CNOT2: variants seen among roughly 807,000 people sequenced by gnomAD.
CNOT2 encodes the protein CCR4-NOT transcription complex subunit 2.
A neutral mutation model predicts 72.1 loss-of-function variants in CNOT2; 7 were observed. The ratio of observed to expected loss-of-function variants is 0.10; its 90% CI spans 0.06 to 0.18. The LOEUF is 0.18. Among genes scored for constraint, CNOT2 ranks in the 10% least tolerant of loss-of-function variants. CNOT2 has a pLI of 1.00. For missense variants in CNOT2, 345 were observed against 660.3 expected, an observed-to-expected ratio of 0.52 and a Z score of 5.23; for synonymous variants, 196 against 225.6, an observed-to-expected ratio of 0.87 and a Z score of 1.17.
chr12:70,350,685 T>C (rs1370723431), intron 15 of CNOT2, among the ~76,000 whole-genome samples: 4 of 152,218 alleles, frequency 2.6e-5, no homozygotes, highest in Admixed American at 2.6e-4. Flanking sequence ...CCTCAGGGTA[T>C]GTGAATAAGG....
chr12:70,294,224 T>C, intron 2 of CNOT2: 1 of 1,289,492 alleles, frequency 7.8e-7, no homozygotes, highest in Non-Finnish European at 1.0e-6. Flanking sequence ...CAACCTTTCC[T>C]TCTTCACTTC....
chr12:70,314,049 C>T (rs1876915032), intron 3 of CNOT2, among the ~76,000 whole-genome samples: 1 of 152,090 alleles, frequency 6.6e-6, no homozygotes, highest in African/African-American at 2.4e-5. Context: ...GATTGTTGCA[C>T]ATTAATATCA....
intron 1 of CNOT2, among the ~76,000 whole-genome samples, chr12:70,248,459 C>T (rs12309813): frequency 0.014 from 2,055 of 152,172 alleles, 46 homozygotes; most frequent in African/African-American, 0.046. Context: ...ATCTGATTTT[C>T]CTACATTTTC....
chr12:70,255,977 A>T (rs1372327274), intron 1 of CNOT2, among the ~76,000 whole-genome samples: 2 of 152,160 alleles, frequency 1.3e-5, no homozygotes, highest in Non-Finnish European at 2.9e-5. Flanking sequence ...CTCAGGCATC[A>T]GATACTCAGT....
intron 5 of CNOT2, among the ~76,000 whole-genome samples, chr12:70,329,980 C>G (rs17814151): frequency 1.3e-5 from 2 of 151,814 alleles, no homozygotes; most frequent in African/African-American, 2.4e-5. Context: ...GAGGATAGAA[C>G]GATATGCCAT....
At chr12:70,344,945 G>A (rs1261656057) in intron 14 of CNOT2, 2 of 152,088 alleles carry the variant, frequency 1.3e-5, no homozygotes, top group African/African-American at 2.4e-5. Context: ...TTTGTTGTAC[G>A]TTTTGAAGTG....
At chr12:70,261,070 G>A (rs760480205) in intron 1 of CNOT2, among the ~76,000 whole-genome samples, 4 of 151,356 alleles carry the variant, frequency 2.6e-5, no homozygotes, top group Admixed American at 6.6e-5. Context: ...CTAGTATGTT[G>A]AGTGCTTTTA....
chr12:70,330,509 G>T (rs377498955), intron 6 of CNOT2, 40 bp downstream of exon 6: 6 of 1,423,360 alleles, frequency 4.2e-6, no homozygotes, highest in South Asian at 3.9e-5. Flanking sequence ...TGTCTTTCTG[G>T]GTATACTCAG....
chr12:70,344,491 G>A (rs1173877206), intron 14 of CNOT2: 2 of 352,248 alleles, frequency 5.7e-6, no homozygotes. Flanking sequence ...ACTTTGGTGA[G>A]GTGGACAGAT....
chr12:70,302,555 GT>G (rs1278436990), intron 2 of CNOT2, among the ~76,000 whole-genome samples: 6 of 152,156 alleles, frequency 3.9e-5, no homozygotes, highest in Non-Finnish European at 8.8e-5. Flanking sequence ...CCGAGTTCTA[GT>G]TTGATTGCAC....
chr12:70,311,831 A>G lies in CNOT2; in HGVS notation c.171+814A>G, dbSNP rs369241873. The stretch of plus-strand genomic sequence containing the variant: ...ATGTATAAAACAATCTACTCTAGCT[A>G]TTAACCTAATGAGATTTATACTGAT... On this transcript the variant is annotated intron_variant, in intron 3 of 15. Transcript: ENST00000229195. Among the ~76,000 whole-genome samples, 57 of 152,072 alleles carry G rather than the reference A, an allele frequency of 3.7e-4. No homozygotes were observed. In the South Asian group the frequency reaches 0.011, roughly 30 times the overall value.
Position 70,273,777 on chromosome 12 carries a change from A to T in CNOT2, c.-95-4355A>T, listed in dbSNP as rs144041854. ...TCGAGATGGTGGGCCTTTTAGATAG[A>T]CCTGACTCTCTACTTATAGTAAATT... On this transcript the variant is annotated intron_variant, in intron 1 of 15. Coordinates refer to ENST00000229195, the MANE Select transcript of CNOT2 (RefSeq NM_014515.7). Among the ~76,000 whole-genome samples the T allele has an allele frequency of 3.2e-3, 482 of 152,192 alleles. 2 individuals carry two copies. Among genetic ancestry groups the T allele is most frequent in the African/African-American group, 0.011 (467 of 41,558 alleles).
intron 5 of CNOT2, among the ~76,000 whole-genome samples, chr12:70,329,802 A>G (rs1340164794): frequency 6.6e-6 from 1 of 151,984 alleles, no homozygotes; most frequent in Non-Finnish European, 1.5e-5. Context: ...TCAAGGGTTA[A>G]TCATTTCCTG....
intron 2 of CNOT2, among the ~76,000 whole-genome samples, chr12:70,299,579 T>C (rs1465793547): frequency 6.6e-6 from 1 of 152,208 alleles, no homozygotes; most frequent in Non-Finnish European, 1.5e-5. Flanking sequence ...CTGCATAGTA[T>C]TCCATGGTGT....
intron 1 of CNOT2, among the ~76,000 whole-genome samples, chr12:70,245,600 A>G (rs769200886): frequency 5.3e-5 from 8 of 152,244 alleles, no homozygotes; most frequent in South Asian, 2.1e-4. Flanking sequence ...CAATTTTTCA[A>G]TTTCTATAAT....
At chr12:70,274,482 T>G (rs1467562909) in intron 1 of CNOT2, among the ~76,000 whole-genome samples, 1 of 152,038 alleles carries the variant, frequency 6.6e-6, no homozygotes, top group Non-Finnish European at 1.5e-5. Flanking sequence ...CTAACCAAAT[T>G]CATATTTTAA....
At chr12:70,245,197 A>G (rs1424144888) in intron 1 of CNOT2, among the ~76,000 whole-genome samples, 1 of 152,216 alleles carries the variant, frequency 6.6e-6, no homozygotes, top group East Asian at 1.9e-4. Flanking sequence ...TAAGCTCTGT[A>G]TGTTGAATTT....
chr12:70,335,066 T>C (rs1312624741), intron 7 of CNOT2: 1 of 160,234 alleles, frequency 6.2e-6, no homozygotes, highest in Non-Finnish European at 1.4e-5. Flanking sequence ...ATTCTAGATA[T>C]AACCTCCATC....
intron 11 of CNOT2, 65 bp downstream of exon 11, chr12:70,338,887 C>T (rs1881064694): frequency 2.2e-6 from 3 of 1,356,208 alleles, no homozygotes; most frequent in Non-Finnish European, 3.1e-6. Context: ...TTTTTAATAT[C>T]ATGTCATCAA....
Sources: allele counts gnomAD v4.1 joint callset (sites outside exome capture counted in the v4.1 genomes callset), GRCh38; gene constraint gnomAD v4.1.1; transcripts MANE v1.5; gene names NCBI Gene and HGNC (gene_info 2026-07-23, HGNC 2026-07-21).